ZNF302: variants seen among roughly 807,000 people sequenced by gnomAD.
ZNF302 encodes zinc finger protein 302.
In ZNF302, 12 loss-of-function variants were observed where a neutral mutation model predicts 10.8. That is an observed-to-expected ratio of 1.11 (90% CI 0.71 to 1.79). The LOEUF (loss-of-function observed/expected upper bound fraction) is 1.79. Among genes scored for constraint, ZNF302 ranks in the 40% most tolerant of loss-of-function variants. The probability of loss-of-function intolerance (pLI) is 0.00; values close to 1 mark genes in which losing one functional copy is unlikely to be tolerated. For missense variants in ZNF302, 461 were observed against 471.1 expected, an observed-to-expected ratio of 0.98 and a Z score of 0.20; for synonymous variants, 178 against 157.5, an observed-to-expected ratio of 1.13 and a Z score of -0.98.
intron 4 of ZNF302, chr19:34,683,983 T>G: frequency 7.1e-7 from 1 of 1,414,352 alleles, no homozygotes. Flanking sequence ...TTTTATCCAT[T>G]TCGTACAGCT....
At chr19:34,676,905 G>T (rs1409763666), upstream of ZNF302, 1 of 152,198 alleles carries the variant, frequency 6.6e-6, no homozygotes, top group Non-Finnish European at 1.5e-5. Flanking sequence ...CACTTCTGGG[G>T]AGAGGGGGCG....
chr19:34,684,671 A>C lies in ZNF302; in HGVS notation c.634A>C (p.Lys212Gln), dbSNP rs1218401438. ...TCSECGKAFG[K>Q]QSILSRHWRI... is the part of the protein sequence containing the mutation. The stretch of plus-strand genomic sequence containing the variant: ...CAGTGAATGTGGGAAAGCCTTTGGC[A>C]AACAGTCAATCCTCAGTCGCCACTG... The change falls in exon 5 of 5, where the codon AAA becomes CAA. Residue 212 changes from lysine to glutamine, a missense_variant. By Grantham distance (53) the Lys-to-Gln change is moderately conservative. Coordinates refer to ENST00000505242, the MANE Select transcript of ZNF302 (RefSeq NM_001289187.2). 9 of 1,614,010 alleles carry C rather than the reference A, an allele frequency of 5.6e-6. No individual in the cohort carries two copies. In the Admixed American group the frequency reaches 1.2e-4, roughly 21 times the overall value.
Position 34,679,456 on chromosome 19 carries a change from A to G in ZNF302, c.9+643A>G, listed in dbSNP as rs142163316. Among the ~76,000 whole-genome samples, 3 of 152,252 alleles carry G rather than the reference A, an allele frequency of 2.0e-5. No homozygotes were observed. The East Asian group carries it at 5.8e-4, about 29-fold the overall frequency. On this transcript the variant is annotated intron_variant, in intron 2 of 4. Transcript: ENST00000505242. ...AACTGAGTCACTTCTGCAATGACCT[A>G]TTTGTACAATTAGGCCATTACCTCC...
In ZNF302 at chr19:34,685,294, C is replaced by T. The variant is rs754887454; in HGVS notation, c.*57C>T. ...CACTGAATATGCATTTGAGAAATCA[C>T]ATTAGATTGAAACCCTACGAATGCA... is the stretch of plus-strand genomic sequence containing the variant. On this transcript the variant is annotated 3_prime_UTR_variant, in exon 5 of 5. Coordinates refer to ENST00000505242, the MANE Select transcript of ZNF302 (RefSeq NM_001289187.2). The T allele has an allele frequency of 2.0e-5, 32 of 1,613,772 alleles. No homozygotes were observed. The highest frequency in any genetic ancestry group is 2.1e-5 in the Non-Finnish European group (25 of 1,179,890).
chr19:34,685,307 C>T lies in ZNF302; in HGVS notation c.*70C>T. 6.2e-7 allele frequency: 1 copy of T among 1,613,880 alleles called. No individual in the cohort carries two copies. Among genetic ancestry groups the T allele is most frequent in the Non-Finnish European group, 8.5e-7 (1 of 1,179,864 alleles). On this transcript the variant is annotated 3_prime_UTR_variant, in exon 5 of 5. Coordinates refer to ENST00000505242, the MANE Select transcript of ZNF302 (RefSeq NM_001289187.2). Reference sequence around the variant, plus strand: ...TTTGAGAAATCACATTAGATTGAAACCCTACGAATGCAGTATATGTGGGAA... The same window carrying T: ...TTTGAGAAATCACATTAGATTGAAATCCTACGAATGCAGTATATGTGGGAA...
chr19:34,678,094 G>T lies in ZNF302; in HGVS notation c.-78G>T, dbSNP rs1275159153. The T allele has an allele frequency of 2.6e-5, 4 of 152,344 alleles. No homozygotes were observed. Among genetic ancestry groups the T allele is most frequent in the Middle Eastern group, 3.4e-3 (1 of 294 alleles). The allele number at this position is 152,344 out of a possible 1,614,324, so 9.4% of individuals were successfully genotyped here. On this transcript the variant is annotated 5_prime_UTR_variant, in exon 1 of 5. An upstream open reading frame in the 5' UTR loses its in-frame stop. Coordinates refer to ENST00000505242, the MANE Select transcript of ZNF302 (RefSeq NM_001289187.2). Reference sequence around the variant, plus strand: ...CCGGCGCTTTCAGTTGTGCAACCTTGAACAAATGGGTTCAGTATCTCGGAA... The same window carrying T: ...CCGGCGCTTTCAGTTGTGCAACCTTTAACAAATGGGTTCAGTATCTCGGAA...
intron 4 of ZNF302, chr19:34,683,993 T>C: frequency 6.9e-7 from 1 of 1,454,016 alleles, no homozygotes; most frequent in African/African-American, 1.4e-5. Context: ...TTCGTACAGC[T>C]TACCCATTTC....
intron 3 of ZNF302, 62 bp from the exon 4 acceptor site, chr19:34,683,093 G>T: frequency 2.5e-6 from 4 of 1,606,536 alleles, no homozygotes; most frequent in Non-Finnish European, 3.4e-6. Context: ...GGTCCCTCTT[G>T]TGATGGCCTC....
chr19:34,680,883 C>T (rs1379715816), intron 2 of ZNF302, among the ~76,000 whole-genome samples: 1 of 152,164 alleles, frequency 6.6e-6, no homozygotes, highest in African/African-American at 2.4e-5. Flanking sequence ...TATCTGCTTG[C>T]CTATATAAAA....
At chr19:34,679,803 TTTTC>T (rs1277073490) in intron 2 of ZNF302, 1 of 699,094 alleles carries the variant, frequency 1.4e-6, no homozygotes, top group Non-Finnish European at 2.6e-6. Flanking sequence ...GAGGAATGCT[TTTTC>T]TTCTTTGTTG....
At position 34,686,328 on chromosome 19, in the gene ZNF302, G is replaced by T. The variant is rs988960815; in HGVS notation, c.*1091G>T. On this transcript the variant is annotated 3_prime_UTR_variant, in exon 5 of 5. Coordinates refer to ENST00000505242, the MANE Select transcript of ZNF302 (RefSeq NM_001289187.2). The stretch of plus-strand genomic sequence containing the variant: ...AAATGTTATAATGTTAAAAATTAAA[G>T]CTGCAAAAGAAATAAAATGGTGTTA... 3 of 152,076 alleles carry T rather than the reference G, an allele frequency of 2.0e-5. No homozygotes were observed. The highest frequency in any genetic ancestry group is 4.4e-5 in the Non-Finnish European group (3 of 68,006). 9.4% of individuals were successfully genotyped at this position (152,076 alleles called of 1,614,324 possible).
Position 34,678,670 on chromosome 19 carries a change from G to A in ZNF302, c.-68-67G>A, listed in dbSNP as rs553562923. 331 of 842,018 alleles carry A rather than the reference G, an allele frequency of 3.9e-4. 1 individual carries two copies. The highest frequency in any genetic ancestry group is 1.8e-3 in the South Asian group (117 of 64,368). The allele number at this position is 842,018 out of a possible 1,614,324, so 52.2% of individuals were successfully genotyped here. A position where few individuals can be genotyped will look rare whatever the true frequency, so the allele number is the denominator to read the frequency against. ...CCAGTGTGCTTTTCCATTAAGGTGT[G>A]TGACAGGTGCCGCAAGATAAGCCCG... On this transcript the variant is annotated intron_variant, in intron 1 of 4. Transcript: ENST00000505242.
upstream of ZNF302, chr19:34,676,868 A>G (rs757301302): frequency 1.3e-5 from 2 of 152,204 alleles, no homozygotes; most frequent in Non-Finnish European, 2.9e-5. Flanking sequence ...AGAGAGGTCC[A>G]TTGCCCTTTT....
rs751041596 is a variant in ZNF302, at chr19:34,684,646, C to T, written c.609C>T (p.Cys203=). The stretch of plus-strand genomic sequence containing the variant: ...GTAATAGAGAGAAAATCTATACATG[C>T]AGTGAATGTGGGAAAGCCTTTGGCA... ...QTCNREKIYT[C]SECGKAFGKQ... Residue 203 remains cysteine (C), a synonymous_variant, in exon 5 of 5, where the codon TGC becomes TGT. Transcript: ENST00000505242. 35 of 1,614,062 alleles carry T rather than the reference C, an allele frequency of 2.2e-5. No individual in the cohort carries two copies. In the Admixed American group the frequency reaches 4.3e-4, roughly 20 times the overall value.
rs965176538 is a variant in ZNF302, at chr19:34,685,829, A to G, written c.*592A>G. 6.3e-5 allele frequency: 23 copies of G among 366,318 alleles called. No homozygotes were observed. The highest frequency in any genetic ancestry group is 3.5e-5 in the Non-Finnish European group (7 of 201,512). 22.7% of individuals were successfully genotyped at this position (366,318 alleles called of 1,614,324 possible). A position where few individuals can be genotyped will look rare whatever the true frequency, so the allele number is the denominator to read the frequency against. ...TAAATGTGGGAAAGCCTTTGTCAGT[A>G]TTAATCCCTTAATTGACCTAAGTAT... On this transcript the variant is annotated 3_prime_UTR_variant, in exon 5 of 5. Transcript: ENST00000505242.
intron 2 of ZNF302, chr19:34,679,865 G>A (rs1479002798): frequency 1.4e-6 from 1 of 702,904 alleles, no homozygotes; most frequent in African/African-American, 1.7e-5. Flanking sequence ...CCAAATGGAT[G>A]CTTAGTAAGT....
At chr19:34,684,185 A>AGGC in intron 4 of ZNF302, 67 bp from the exon 5 acceptor site, 1 of 364,088 alleles carries the variant, frequency 2.7e-6, no homozygotes, top group African/African-American at 9.4e-5. Context: ...AAAAAAAAAA[A>AGGC]AAAAAAAAAA....
Position 34,684,778 on chromosome 19 carries a change from T to G in ZNF302, c.741T>G (p.His247Gln), listed in dbSNP as rs1600112058. 1 of 1,613,988 alleles carries G rather than the reference T, an allele frequency of 6.2e-7. No individual in the cohort carries two copies. ...TFSHGSSLTR[H>Q]QISHSGEKPY... The stretch of plus-strand genomic sequence containing the variant: ...GCCATGGTTCATCCCTTACACGACA[T>G]CAGATAAGCCATAGTGGAGAGAAAC... The change falls in exon 5 of 5, where the codon CAT becomes CAG. Residue 247 changes from histidine to glutamine, a missense_variant. Transcript: ENST00000505242.
At chr19:34,682,933 AC>A (rs1568459050) in intron 3 of ZNF302, 36 bp downstream of exon 3, 1 of 1,603,616 alleles carries the variant, frequency 6.2e-7, no homozygotes, top group East Asian at 2.2e-5. Context: ...AATAGGGGAC[AC>A]CTTTCTTTTG....
Sources: allele counts gnomAD v4.1 joint callset (sites outside exome capture counted in the v4.1 genomes callset), GRCh38; gene constraint gnomAD v4.1.1; transcripts MANE v1.5; gene names NCBI Gene and HGNC (gene_info 2026-07-23, HGNC 2026-07-21).